The following GRIA4 variants were observed in gnomAD, a reference collection of about 807,000 sequenced individuals.
The protein encoded by GRIA4 is glutamate ionotropic receptor AMPA type subunit 4.
A neutral mutation model predicts 104.0 loss-of-function variants in GRIA4; 34 were observed. The ratio of observed to expected loss-of-function variants is 0.33; its 90% CI spans 0.25 to 0.44. The LOEUF is 0.44. GRIA4 is among the 20% of genes least tolerant of loss of function. The pLI is 1.00. For synonymous variants in GRIA4, 386 were observed against 381.9 expected (o/e 1.01, Z -0.13); for missense variants, 750 against 1,096.5 (o/e 0.68, Z 4.46).
At chr11:105,946,307 G>C (rs920440921) in intron 14 of GRIA4, among the ~76,000 whole-genome samples, 1 of 152,166 alleles carries the variant, frequency 6.6e-6, no homozygotes, top group African/African-American at 2.4e-5. Flanking sequence ...TAAAGGGGCG[G>C]TGCAGTGGCT....
intron 3 of GRIA4, among the ~76,000 whole-genome samples, chr11:105,689,790 G>A (rs1322613879): frequency 6.6e-6 from 1 of 152,156 alleles, no homozygotes; most frequent in African/African-American, 2.4e-5. Context: ...GTAATACAAT[G>A]CCTCTGGTGC....
intron 4 of GRIA4, among the ~76,000 whole-genome samples, chr11:105,821,796 A>G (rs1943583085): frequency 6.6e-6 from 1 of 152,140 alleles, no homozygotes; most frequent in Non-Finnish European, 1.5e-5. Flanking sequence ...TTCCCATAAA[A>G]TTTATGCTAA....
intron 3 of GRIA4, among the ~76,000 whole-genome samples, chr11:105,703,011 A>G (rs1953560461): frequency 6.6e-6 from 1 of 152,120 alleles, no homozygotes; most frequent in Admixed American, 6.6e-5. Flanking sequence ...TCCAGTGTCA[A>G]CTTGCTAGAA....
At chr11:105,685,155 GAGGA>G (rs1380104702) in intron 3 of GRIA4, among the ~76,000 whole-genome samples, 4 of 133,872 alleles carry the variant, frequency 3.0e-5, no homozygotes, top group Admixed American at 1.5e-4. Flanking sequence ...GGGAAGGAGG[GAGGA>G]AGGAAGGGAG....
chr11:105,618,241 A>C (rs1950650140), intron 3 of GRIA4, among the ~76,000 whole-genome samples: 1 of 152,028 alleles, frequency 6.6e-6, no homozygotes, highest in Non-Finnish European at 1.5e-5. Context: ...GGGACCCATA[A>C]ATGATTGGAA....
intron 14 of GRIA4, among the ~76,000 whole-genome samples, chr11:105,968,423 G>A (rs1238469034): frequency 6.6e-6 from 1 of 152,160 alleles, no homozygotes; most frequent in Non-Finnish European, 1.5e-5. Flanking sequence ...ACTATTTGGG[G>A]TCGCTGCAGC....
chr11:105,944,547 CA>C (rs1948258988), intron 14 of GRIA4, among the ~76,000 whole-genome samples: 1 of 149,966 alleles, frequency 6.7e-6, no homozygotes, highest in Non-Finnish European at 1.5e-5. Flanking sequence ...TAAAGTAATT[CA>C]AATAAGAAAA....
At chr11:105,623,737 C>G (rs1247795095) in intron 3 of GRIA4, among the ~76,000 whole-genome samples, 2 of 152,070 alleles carry the variant, frequency 1.3e-5, no homozygotes, top group East Asian at 3.9e-4. Flanking sequence ...ACCAATCACT[C>G]TATATCACAT....
chr11:105,972,050 C>T (rs139735589), intron 15 of GRIA4, 22 bp downstream of exon 15: 330 of 1,423,864 alleles, frequency 2.3e-4, no homozygotes, highest in Non-Finnish European at 2.5e-4. Context: ...CAGTTCGGGG[C>T]CTCCTCTTGT....
intron 3 of GRIA4, among the ~76,000 whole-genome samples, chr11:105,671,123 A>T (rs569824172): frequency 5.3e-5 from 8 of 152,268 alleles, no homozygotes; most frequent in Admixed American, 2.6e-4. Context: ...AATACCAGAT[A>T]ATTTTCCATA....
intron 3 of GRIA4, among the ~76,000 whole-genome samples, chr11:105,636,539 C>G (rs78862787): frequency 0.014 from 2,139 of 152,272 alleles, 26 homozygotes; most frequent in Non-Finnish European, 0.025. Flanking sequence ...GTGATCTCTA[C>G]AATTCCAGGC....
At chr11:105,927,306 C>T (rs956772342) in intron 13 of GRIA4, among the ~76,000 whole-genome samples, 4 of 152,060 alleles carry the variant, frequency 2.6e-5, no homozygotes, top group African/African-American at 4.8e-5. Flanking sequence ...GAAAACTTGA[C>T]GTTTGAAGAA....
intron 3 of GRIA4, among the ~76,000 whole-genome samples, chr11:105,743,950 T>A (rs960028415): frequency 6.6e-6 from 1 of 152,294 alleles, no homozygotes; most frequent in East Asian, 1.9e-4. Flanking sequence ...TCTGCTTTAA[T>A]TTGCCCTTTT....
chr11:105,788,233 A>G (rs1942060667), intron 4 of GRIA4, among the ~76,000 whole-genome samples: 1 of 152,176 alleles, frequency 6.6e-6, no homozygotes, highest in African/African-American at 2.4e-5. Context: ...TTATTAGAAA[A>G]TCAAAAAAAA....
At chr11:105,621,796 T>C (rs1188814581) in intron 3 of GRIA4, among the ~76,000 whole-genome samples, 1 of 151,880 alleles carries the variant, frequency 6.6e-6, no homozygotes, top group Non-Finnish European at 1.5e-5. Flanking sequence ...TTTCAAAATT[T>C]ATTTAAATTT....
At chr11:105,827,766 T>C (rs753818567) in intron 4 of GRIA4, among the ~76,000 whole-genome samples, 10 of 151,956 alleles carry the variant, frequency 6.6e-5, no homozygotes, top group Admixed American at 1.3e-4. Context: ...ATAGGGAAAA[T>C]ATGCATTTAT....
At chr11:105,654,802 G>A (rs1019563958) in intron 3 of GRIA4, among the ~76,000 whole-genome samples, 1 of 152,128 alleles carries the variant, frequency 6.6e-6, no homozygotes, top group Non-Finnish European at 1.5e-5. Context: ...TCCCCAAGTA[G>A]CAAGTCTTGG....
chr11:105,624,528 A>G (rs768674220), intron 3 of GRIA4, among the ~76,000 whole-genome samples: 37 of 152,216 alleles, frequency 2.4e-4, no homozygotes, highest in African/African-American at 6.0e-4. Flanking sequence ...TGCACCTTCT[A>G]TGGTAAATCT....
intron 3 of GRIA4, among the ~76,000 whole-genome samples, chr11:105,737,577 C>T (rs529240605): frequency 1.4e-4 from 21 of 152,066 alleles, no homozygotes; most frequent in Admixed American, 2.6e-4. Flanking sequence ...ACAGCAAAAA[C>T]TCAGTTTGCT....
Sources: allele counts gnomAD v4.1 joint callset (sites outside exome capture counted in the v4.1 genomes callset), GRCh38; gene constraint gnomAD v4.1.1; transcripts MANE v1.5; gene names NCBI Gene and HGNC (gene_info 2026-07-23, HGNC 2026-07-21).